Variants in RBFOX1 observed in about 807,000 individuals in gnomAD.
RBFOX1 encodes RNA binding fox-1 homolog 1.
A neutral mutation model predicts 57.7 loss-of-function variants in RBFOX1; 8 were observed. The observed-to-expected ratio is 0.14, with a 90% CI of 0.08 to 0.25. The LOEUF is 0.25. Ranked by LOEUF, RBFOX1 falls within the 10% of genes least tolerant of loss-of-function variation. RBFOX1 has a pLI of 1.00. For missense variants in RBFOX1, 611 were observed against 548.5 expected (o/e 1.11, Z -1.14); for synonymous variants, 326 against 222.4 (o/e 1.47, Z -4.15).
chr16:5,629,444 G>T (rs1990289), intron 3 of RBFOX1, among the ~76,000 whole-genome samples: 23,840 of 152,272 alleles, frequency 0.16, 2,154 homozygotes, highest in East Asian at 0.28. Context: ...CTACCAGTTT[G>T]TAGGGGACCC....
At chr16:6,880,322 GC>G (rs905463650) in intron 3 of RBFOX1, among the ~76,000 whole-genome samples, 1 of 152,188 alleles carries the variant, frequency 6.6e-6, no homozygotes, top group African/African-American at 2.4e-5. Flanking sequence ...CAGAGAGACA[GC>G]CTCTGTTGTT....
intron 1 of RBFOX1, among the ~76,000 whole-genome samples, chr16:5,424,120 A>G (rs1043874091): frequency 2.6e-5 from 4 of 152,246 alleles, no homozygotes; most frequent in African/African-American, 9.6e-5. Context: ...TAGCTATTCA[A>G]TCAGTAATCC....
At chr16:7,064,020 T>G (rs1168976395) in intron 4 of RBFOX1, among the ~76,000 whole-genome samples, 2 of 152,176 alleles carry the variant, frequency 1.3e-5, no homozygotes, top group Non-Finnish European at 2.9e-5. Context: ...GGCTGAGTTG[T>G]GTCCTGACAA....
intron 1 of RBFOX1, among the ~76,000 whole-genome samples, chr16:6,296,613 G>A (rs940221288): frequency 1.5e-4 from 23 of 152,036 alleles, no homozygotes; most frequent in African/African-American, 4.8e-4. Flanking sequence ...GTAGAGACGC[G>A]GTTTCACCGT....
At chr16:6,957,204 T>C (rs986717658) in intron 3 of RBFOX1, among the ~76,000 whole-genome samples, 3 of 151,292 alleles carry the variant, frequency 2.0e-5, no homozygotes, top group Admixed American at 6.6e-5. Flanking sequence ...TGATCTCGGC[T>C]CACTGCAAGC....
intron 1 of RBFOX1, among the ~76,000 whole-genome samples, chr16:6,133,477 C>G (rs935066534): frequency 6.6e-6 from 1 of 152,098 alleles, no homozygotes; most frequent in Non-Finnish European, 1.5e-5. Context: ...GCCCAGTGCA[C>G]CACCCTGATT....
intron 4 of RBFOX1, among the ~76,000 whole-genome samples, chr16:7,439,115 T>A (rs537158197): frequency 6.6e-6 from 1 of 152,344 alleles, no homozygotes; most frequent in East Asian, 1.9e-4. Context: ...GTCCTCGCGC[T>A]GGCAAATGGA....
chr16:6,700,023 C>T (rs1454966206), intron 3 of RBFOX1, among the ~76,000 whole-genome samples: 2 of 152,080 alleles, frequency 1.3e-5, no homozygotes, highest in African/African-American at 4.8e-5. Flanking sequence ...TTTTCCTTCT[C>T]TTACGATTGG....
At position 6,499,965 on chromosome 16, in the gene RBFOX1, C is replaced by T. The variant is rs190437928; in HGVS notation, c.-63-154638C>T. 1.8e-3 allele frequency among the ~76,000 whole-genome samples: 270 copies of T among 152,242 alleles called. 1 individual carries two copies. In the Middle Eastern group the frequency reaches 0.031, roughly 17 times the overall value. On this transcript the variant is annotated intron_variant, in intron 2 of 15. Coordinates refer to ENST00000550418, the MANE Select transcript of RBFOX1 (RefSeq NM_018723.4). The stretch of plus-strand genomic sequence containing the variant: ...AGGGCTTTCTCTGATGTTTACCTGC[C>T]GCCTCGTGAAGGGCTTTCAGCATTT...
At chr16:7,055,537 G>A (rs964301691) in intron 4 of RBFOX1, among the ~76,000 whole-genome samples, 1 of 152,116 alleles carries the variant, frequency 6.6e-6, no homozygotes, top group Admixed American at 6.5e-5. Context: ...TCAGAAGGAA[G>A]GAGAAGAGGA....
intron 4 of RBFOX1, among the ~76,000 whole-genome samples, chr16:7,342,531 G>T (rs1292940213): frequency 6.6e-6 from 1 of 152,146 alleles, no homozygotes; most frequent in Non-Finnish European, 1.5e-5. Flanking sequence ...ATGATTTCTG[G>T]AGTTATTGAA....
intron 3 of RBFOX1, among the ~76,000 whole-genome samples, chr16:6,802,929 A>T (rs535459057): frequency 6.6e-6 from 1 of 152,188 alleles, no homozygotes; most frequent in Non-Finnish European, 1.5e-5. Context: ...AGGGTTAAAT[A>T]TTTATTGAAG....
chr16:6,431,898 TTTCTTTCTTTCTTTCTTTCTTTC>T (rs1567258033), intron 2 of RBFOX1, among the ~76,000 whole-genome samples: 142 of 47,664 alleles, frequency 3.0e-3, no homozygotes, highest in African/African-American at 0.01. Context: ...GCTTGCTTGC[TTTCTTTCTTTCTTTCTTTCTTTC>T]TTTCTTTCTT....
chr16:5,448,971 C>T (rs552525810), intron 1 of RBFOX1, among the ~76,000 whole-genome samples: 3 of 152,224 alleles, frequency 2.0e-5, no homozygotes, highest in Admixed American at 6.5e-5. Context: ...ATAACCCCAC[C>T]GTCCTCCTTC....
intron 4 of RBFOX1, among the ~76,000 whole-genome samples, chr16:5,937,030 C>G (rs1243126370): frequency 6.6e-6 from 1 of 152,162 alleles, no homozygotes; most frequent in Admixed American, 6.6e-5. Flanking sequence ...TTAGTTTTCT[C>G]ATCTGTCAAA....
intron 4 of RBFOX1, among the ~76,000 whole-genome samples, chr16:7,417,306 G>A (rs2098488272): frequency 6.7e-6 from 1 of 149,446 alleles, no homozygotes; most frequent in South Asian, 2.1e-4. Flanking sequence ...CTGGGAGGTG[G>A]AGGTTGCAGT....
chr16:6,382,179 C>G (rs1027383829), intron 2 of RBFOX1, among the ~76,000 whole-genome samples: 1 of 152,148 alleles, frequency 6.6e-6, no homozygotes, highest in Non-Finnish European at 1.5e-5. Context: ...TTCTTGTGAT[C>G]CTTTTTCCCC....
intron 4 of RBFOX1, among the ~76,000 whole-genome samples, chr16:7,197,339 C>A (rs1276473514): frequency 1.3e-5 from 2 of 150,082 alleles, no homozygotes; most frequent in African/African-American, 4.9e-5. Context: ...AACTCCTGAT[C>A]TTGGGAATCC....
intron 3 of RBFOX1, among the ~76,000 whole-genome samples, chr16:5,819,691 C>T (rs568987559): frequency 7.4e-4 from 113 of 152,348 alleles, no homozygotes; most frequent in African/African-American, 2.6e-3. Flanking sequence ...CTCCCACTGC[C>T]TGGAATACCC....
Sources: allele counts gnomAD v4.1 joint callset (sites outside exome capture counted in the v4.1 genomes callset), GRCh38; gene constraint gnomAD v4.1.1; transcripts MANE v1.5; gene names NCBI Gene and HGNC (gene_info 2026-07-23, HGNC 2026-07-21).